The following CHGA variants were observed in gnomAD, a reference collection of about 807,000 sequenced individuals.
The protein encoded by CHGA is chromogranin-A.
A neutral mutation model predicts 54.4 loss-of-function variants in CHGA; 41 were observed. That is an observed-to-expected ratio of 0.75 (90% CI 0.59 to 0.98). The LOEUF (loss-of-function observed/expected upper bound fraction) is 0.98, where lower values mean the gene tolerates loss of function less well. Ranked by LOEUF, CHGA falls within the 50% of genes least tolerant of loss-of-function variation. The pLI is 0.00. For missense variants in CHGA, 576 were observed against 582.3 expected, an observed-to-expected ratio of 0.99 and a Z score of 0.11; for synonymous variants, 249 against 232.8, an observed-to-expected ratio of 1.07 and a Z score of -0.63.
Position 92,932,916 on chromosome 14 carries a change from G to C in CHGA, c.1290+65G>C. 6.9e-7 allele frequency: 1 copy of C among 1,448,016 alleles called. No individual in the cohort carries two copies. The highest frequency in any genetic ancestry group is 2.8e-5 in the Admixed American group (1 of 35,166). 89.7% of individuals were successfully genotyped at this position (1,448,016 alleles called of 1,614,324 possible). The stretch of plus-strand genomic sequence containing the variant: ...GAGCAGCAGGGGGCAGCCGCACCCA[G>C]ACACACTGCCCCTGCCCCACTGAGG... On this transcript the variant is annotated intron_variant, in intron 7 of 7. Transcript: ENST00000216492. This position sits in a 1 kb window ranked among gnomAD's most constrained non-coding sequence, Gnocchi z 5.3.
intron 4 of CHGA, among the ~76,000 whole-genome samples, chr14:92,928,814 G>A (rs1038691819): frequency 5.9e-5 from 9 of 152,136 alleles, no homozygotes; most frequent in East Asian, 3.8e-4. Context: ...CTGTCCATCC[G>A]TCTATCCGTC....
chr14:92,934,787 A>G lies in CHGA; in HGVS notation c.1291-14A>G, dbSNP rs907182537. 1 of 1,569,984 alleles carries G rather than the reference A, an allele frequency of 6.4e-7. No homozygotes were observed. Among genetic ancestry groups the G allele is most frequent in the Non-Finnish European group, 8.6e-7 (1 of 1,157,926 alleles). On this transcript the variant is annotated splice_polypyrimidine_tract_variant and intron_variant, in intron 7 of 7. Transcript: ENST00000216492. ...GGCCAGGCTGGCCCGAGTGAACCCC[A>G]ATGTCTCTCCTAGGACCAGGAGCTG...
chr14:92,931,206 TGGCCCAGTCCTCAGGGC>T, intron 5 of CHGA, 27 bp from the exon 6 acceptor site: 1 of 1,547,404 alleles, frequency 6.5e-7, no homozygotes, highest in Non-Finnish European at 8.8e-7. Flanking sequence ...GCCCCACACG[TGGCCCAGTCCTCAGGGC>T]CTGACTTGGC....
intron 5 of CHGA, among the ~76,000 whole-genome samples, chr14:92,931,006 G>T (rs562292595): frequency 6.6e-6 from 1 of 152,318 alleles, no homozygotes; most frequent in South Asian, 2.1e-4. Flanking sequence ...TTAAGGTCTG[G>T]TTTTTTGTTT....
Position 92,926,394 on chromosome 14 carries a change from A to C in CHGA, c.94-211A>C, listed in dbSNP as rs1368317729. 14 of 565,224 alleles carry C rather than the reference A, an allele frequency of 2.5e-5. 1 individual carries two copies. Among genetic ancestry groups the C allele is most frequent in the Non-Finnish European group, 4.4e-5 (14 of 315,860 alleles). The allele number at this position is 565,224 out of a possible 1,614,324, so 35.0% of individuals were successfully genotyped here. A position where few individuals can be genotyped will look rare whatever the true frequency, so the allele number is the denominator to read the frequency against. ...TGGCCATGTGGTTGGAGTGGCTGACACATGGTAAGCACTGTGTTAAGGGTT... is the reference window on the plus strand; with the variant it reads ...TGGCCATGTGGTTGGAGTGGCTGACCCATGGTAAGCACTGTGTTAAGGGTT... On this transcript the variant is annotated intron_variant, in intron 2 of 7. Transcript: ENST00000216492.
chr14:92,923,349 C>G lies in CHGA; in HGVS notation c.-11C>G. 7.6e-7 allele frequency: 1 copy of G among 1,321,596 alleles called. No homozygotes were observed. The highest frequency in any genetic ancestry group is 9.6e-7 in the Non-Finnish European group (1 of 1,038,710). The allele number at this position is 1,321,596 out of a possible 1,614,324, so 81.9% of individuals were successfully genotyped here. A position where few individuals can be genotyped will look rare whatever the true frequency, so the allele number is the denominator to read the frequency against. ...CCCCACACCGCCAGCTGCTCGGCGC[C>G]CGGGTCCGCCATGCGCTCCGCCGCT... On this transcript the variant is annotated 5_prime_UTR_variant, in exon 1 of 8. Coordinates refer to ENST00000216492, the MANE Select transcript of CHGA (RefSeq NM_001275.4).
intron 5 of CHGA, among the ~76,000 whole-genome samples, 189 bp from the exon 6 acceptor site, chr14:92,931,057 AAAAG>A (rs1886983326): frequency 6.6e-6 from 1 of 152,256 alleles, no homozygotes; most frequent in Non-Finnish European, 1.5e-5. Flanking sequence ...GTCAGGATTA[AAAAG>A]AAAGAAACAA....
intron 4 of CHGA, among the ~76,000 whole-genome samples, chr14:92,929,198 C>T (rs537117873): frequency 6.6e-6 from 1 of 152,276 alleles, no homozygotes; most frequent in Non-Finnish European, 1.5e-5. Flanking sequence ...AGGGCTTGGC[C>T]TTCTCCCCGG....
intron 3 of CHGA, 131 bp from the exon 4 acceptor site, chr14:92,927,419 C>A: frequency 1.4e-6 from 1 of 694,288 alleles, no homozygotes; most frequent in South Asian, 1.8e-5. Context: ...TCTGAAGACC[C>A]AATCTTGCTG....
rs747999063 is a variant in CHGA, at chr14:92,932,245, G to A, written c.809-125G>A. On this transcript the variant is annotated intron_variant, in intron 6 of 7. Transcript: ENST00000216492. The surrounding 1 kb of genome is among the most constrained non-coding windows in gnomAD (Gnocchi z 5.3). ...GCCTGGCATCAAGAAGGTTTTTCCC[G>A]CTAAGCGTCATCACTGTGGAGAGGC... The A allele has an allele frequency of 3.0e-5, 40 of 1,347,912 alleles. No homozygotes were observed. Among genetic ancestry groups the A allele is most frequent in the Admixed American group, 2.9e-4 (10 of 35,066 alleles). 83.5% of individuals were successfully genotyped at this position (1,347,912 alleles called of 1,614,324 possible). A position where few individuals can be genotyped will look rare whatever the true frequency, so the allele number is the denominator to read the frequency against.
chr14:92,928,063 T>C (rs2139669879), intron 4 of CHGA, among the ~76,000 whole-genome samples: 1 of 152,352 alleles, frequency 6.6e-6, no homozygotes, highest in African/African-American at 2.4e-5. Context: ...AGCACGGCCC[T>C]AGCCTTGCAA....
At chr14:92,931,164 A>C in intron 5 of CHGA, 86 bp from the exon 6 acceptor site, 1 of 1,373,986 alleles carries the variant, frequency 7.3e-7, no homozygotes, top group South Asian at 1.4e-5. Flanking sequence ...AAGAAACATA[A>C]TGAGTAACAT....
rs778906426 is a variant in CHGA at position 92,932,807 on chromosome 14, G to A, written c.1246G>A (p.Glu416Lys). Residue 416 changes from glutamate to lysine, a missense_variant, in exon 7 of 8, where the codon GAG (glutamate) becomes AAG (lysine). By Grantham distance (56) the Glu-to-Lys change is moderately conservative. Coordinates refer to ENST00000216492, the MANE Select transcript of CHGA (RefSeq NM_001275.4). This position sits in a 1 kb window ranked among gnomAD's most constrained non-coding sequence, Gnocchi z 5.3. ...GCCCCTCCAGGTCCGAGGCTACCCC[G>A]AGGAGAAGAAAGAGGAGGAGGGCAG... ...GLPLQVRGYP[E>K]EKKEEEGSAN... The A allele has an allele frequency of 3.9e-5, 61 of 1,550,398 alleles. No homozygotes were observed. In the East Asian group the frequency reaches 6.9e-4, roughly 18 times the overall value.
At chr14:92,928,773 ATT>A (rs1395012123) in intron 4 of CHGA, among the ~76,000 whole-genome samples, 2 of 152,084 alleles carry the variant, frequency 1.3e-5, no homozygotes, top group African/African-American at 4.8e-5. Flanking sequence ...ATATATGACT[ATT>A]TTCCATTAAC....
intron 2 of CHGA, among the ~76,000 whole-genome samples, chr14:92,924,794 GA>G (rs1462202733): frequency 6.6e-6 from 1 of 152,216 alleles, no homozygotes; most frequent in Non-Finnish European, 1.5e-5. Context: ...GGTCACCCAG[GA>G]AAGGGCCTTA....
chr14:92,929,585 C>A, intron 4 of CHGA, 132 bp from the exon 5 acceptor site: 1 of 759,544 alleles, frequency 1.3e-6, no homozygotes, highest in Non-Finnish European at 2.2e-6. Flanking sequence ...CACGCCCCAT[C>A]AGTGTCTCAT....
rs1482625806 is a variant in CHGA at position 92,926,609 on chromosome 14, T to A, written c.98T>A (p.Met33Lys). Residue 33 changes from methionine to lysine, a missense_variant, in exon 3 of 8, where the codon ATG becomes AAG. Transcript: ENST00000216492. ...GCCCCTGCACTGTGTTCCCAGGTGA[T>A]GAAATGCATCGTTGAGGTCATCTCC... is the stretch of plus-strand genomic sequence containing the variant. ...SPMNKGDTEV[M>K]KCIVEVISDT... is the part of the protein sequence containing the mutation. 4 of 1,613,924 alleles carry A rather than the reference T, an allele frequency of 2.5e-6. No individual in the cohort carries two copies. Among genetic ancestry groups the A allele is most frequent in the Non-Finnish European group, 2.5e-6 (3 of 1,180,002 alleles).
intron 5 of CHGA, among the ~76,000 whole-genome samples, chr14:92,930,515 C>T (rs1030899485): frequency 3.3e-5 from 5 of 152,216 alleles, no homozygotes; most frequent in Non-Finnish European, 1.5e-5. Flanking sequence ...TTTAATGAGG[C>T]AGGCAGCCAT....
At position 92,935,186 on chromosome 14, in the gene CHGA, C is replaced by T; in HGVS notation, c.*302C>T. ...CCATCCTATCCACTGGGCACAACTG[C>T]AATAACTTCTGACCTTTTGGTGAAA... is the stretch of plus-strand genomic sequence containing the variant. On this transcript the variant is annotated 3_prime_UTR_variant, in exon 8 of 8. Transcript: ENST00000216492. 2.5e-6 allele frequency: 1 copy of T among 396,882 alleles called. No individual in the cohort carries two copies. The highest frequency in any genetic ancestry group is 4.4e-6 in the Non-Finnish European group (1 of 225,438). 24.6% of individuals were successfully genotyped at this position (396,882 alleles called of 1,614,324 possible).
Sources: gnomAD v4.1 joint callset for allele counts (sites outside exome capture counted in the v4.1 genomes callset) on GRCh38, gnomAD v4.1.1 for gene constraint, Gnocchi (gnomAD v3.1) non-coding constraint, MANE v1.5 for transcripts, NCBI Gene and HGNC (gene_info 2026-07-23, HGNC 2026-07-21) for gene names.